CAP2: variants seen among roughly 807,000 people sequenced by gnomAD.
CAP2 encodes adenylyl cyclase-associated protein 2.
A neutral mutation model predicts 57.7 loss-of-function variants in CAP2; 24 were observed. The observed-to-expected ratio is 0.42, with a 90% CI of 0.30 to 0.58. The LOEUF (loss-of-function observed/expected upper bound fraction) is 0.58, where lower values mean the gene tolerates loss of function less well. CAP2 is among the 20% of genes least tolerant of loss of function. The pLI is 0.22. For missense variants in CAP2, 501 were observed against 590.3 expected (o/e 0.85, Z 1.57); for synonymous variants, 194 against 207.2 (o/e 0.94, Z 0.55).
At chr6:17,455,140 A>G (rs537766342) in intron 3 of CAP2, among the ~76,000 whole-genome samples, 1 of 152,298 alleles carries the variant, frequency 6.6e-6, no homozygotes, top group East Asian at 1.9e-4. Flanking sequence ...GCAATCTCCC[A>G]ATAAATAGGA....
chr6:17,529,640 C>CAAAAAAAAA (rs1554129487), intron 7 of CAP2, among the ~76,000 whole-genome samples: 34 of 117,284 alleles, frequency 2.9e-4, no homozygotes, highest in African/African-American at 8.9e-4. Context: ...GACTCCGTCT[C>CAAAAAAAAA]AAAAAAAAAA....
intron 1 of CAP2, among the ~76,000 whole-genome samples, chr6:17,413,271 C>T (rs1048726716): frequency 4.6e-5 from 7 of 152,172 alleles, no homozygotes; most frequent in African/African-American, 1.4e-4. Context: ...ATTCTGATTA[C>T]ACCATCTCAA....
chr6:17,423,624 G>GA (rs997474210), intron 2 of CAP2, among the ~76,000 whole-genome samples: 74 of 146,874 alleles, frequency 5.0e-4, no homozygotes, highest in South Asian at 3.7e-3. Flanking sequence ...ATTGAGTAAA[G>GA]AAAAAAAAAA....
intron 3 of CAP2, among the ~76,000 whole-genome samples, chr6:17,451,604 G>A (rs1162865020): frequency 6.6e-6 from 1 of 152,018 alleles, no homozygotes; most frequent in African/African-American, 2.4e-5. Flanking sequence ...CCGCCTCCCG[G>A]GTTCAAGCGA....
chr6:17,409,708 G>C (rs1284863495), intron 1 of CAP2, among the ~76,000 whole-genome samples: 1 of 152,056 alleles, frequency 6.6e-6, no homozygotes, highest in African/African-American at 2.4e-5. Flanking sequence ...TTCAAATGCA[G>C]ATCCTCTAAC....
rs550692225 is a variant in CAP2, at chr6:17,507,546, C to T, written c.445-95C>T. 1.1e-4 allele frequency: 91 copies of T among 853,732 alleles called. 4 individuals carry two copies. In the South Asian group the frequency reaches 1.1e-3, roughly 11 times the overall value. 52.9% of individuals were successfully genotyped at this position (853,732 alleles called of 1,614,324 possible). A position where few individuals can be genotyped will look rare whatever the true frequency, so the allele number is the denominator to read the frequency against. ...CATGTGCCTCCCACTTTCAAGTCCACGCGTCTCCATTGCTTTTCTTCTTCT... is the reference window on the plus strand; with the variant it reads ...CATGTGCCTCCCACTTTCAAGTCCATGCGTCTCCATTGCTTTTCTTCTTCT... On this transcript the variant is annotated intron_variant, in intron 5 of 12. Transcript: ENST00000229922.
At chr6:17,478,721 C>T (rs951526520) in intron 4 of CAP2, among the ~76,000 whole-genome samples, 3 of 152,112 alleles carry the variant, frequency 2.0e-5, no homozygotes, top group South Asian at 4.1e-4. Flanking sequence ...ACACTCTGTC[C>T]TCCCTGATGT....
At chr6:17,440,358 G>A (rs1581520992) in intron 3 of CAP2, among the ~76,000 whole-genome samples, 1 of 151,548 alleles carries the variant, frequency 6.6e-6, no homozygotes, top group Non-Finnish European at 1.5e-5. Flanking sequence ...GTTAATTTGT[G>A]TCTGGCTACC....
intron 11 of CAP2, among the ~76,000 whole-genome samples, chr6:17,543,996 G>A (rs995773920): frequency 1.3e-5 from 2 of 151,742 alleles, no homozygotes; most frequent in African/African-American, 2.4e-5. Flanking sequence ...GGGGTGGTGG[G>A]TGCCTGTAAT....
chr6:17,420,064 G>T (rs576282130), intron 1 of CAP2, among the ~76,000 whole-genome samples: 2 of 152,156 alleles, frequency 1.3e-5, no homozygotes, highest in South Asian at 4.2e-4. Flanking sequence ...TAGAGACGGG[G>T]TTTCACCATG....
Position 17,513,171 on chromosome 6 carries a change from T to C in CAP2, c.531-678T>C, listed in dbSNP as rs1197355297. Among the ~76,000 whole-genome samples, 5 of 152,198 alleles carry C rather than the reference T, an allele frequency of 3.3e-5. No individual in the cohort carries two copies. The highest frequency in any genetic ancestry group is 7.3e-5 in the Non-Finnish European group (5 of 68,034). On this transcript the variant is annotated intron_variant, in intron 6 of 12. Transcript: ENST00000229922. The surrounding 1 kb of genome is among the most constrained non-coding windows in gnomAD (Gnocchi z 4.3). ...CCATTATAAAAGGTAAGCATTTTAC[T>C]AGCCCTTGGTTCAATAAAATAGAGA...
At position 17,542,927 on chromosome 6, in the gene CAP2, C is replaced by T. The variant is rs1305730214; in HGVS notation, c.1093C>T (p.Gln365Ter). 1 of 1,613,478 alleles carries T rather than the reference C, an allele frequency of 6.2e-7. No individual in the cohort carries two copies. The highest frequency in any genetic ancestry group is 1.3e-5 in the African/African-American group (1 of 74,904). ...YIFKCEKSTI[Q>*]IKGKVNSIII... ...TTTCAAATGCGAAAAATCAACTATT[C>T]AGATAAAAGGGAAAGTAAACTCCAT... The change falls in exon 10 of 13, where the codon CAG becomes TAG. Residue 365 changes from glutamine (Q) to a stop codon, truncating the protein, a stop_gained. Coordinates refer to ENST00000229922, the MANE Select transcript of CAP2 (RefSeq NM_006366.3). LOFTEE classifies it high-confidence loss of function.
chr6:17,487,564 G>A (rs1175973009), intron 4 of CAP2, among the ~76,000 whole-genome samples: 1 of 152,168 alleles, frequency 6.6e-6, no homozygotes, highest in East Asian at 1.9e-4. Flanking sequence ...CCGCCTCCCG[G>A]GTTCAAGCGA....
rs1282729795 is a variant in CAP2 at position 17,536,872 on chromosome 6, C to T, written c.637-2397C>T. On this transcript the variant is annotated intron_variant, in intron 7 of 12. Coordinates refer to ENST00000229922, the MANE Select transcript of CAP2 (RefSeq NM_006366.3). ...ATGTCCAAAGCTTATATTATACTCTCTTTCTGATTCAGAGCAAATTCTCAA... is the reference window on the plus strand; with the variant it reads ...ATGTCCAAAGCTTATATTATACTCTTTTTCTGATTCAGAGCAAATTCTCAA... 2.0e-5 allele frequency among the ~76,000 whole-genome samples: 3 copies of T among 152,114 alleles called. No homozygotes were observed. In the East Asian group the frequency reaches 5.8e-4, roughly 29 times the overall value.
At chr6:17,542,519 T>G (rs1435964508) in intron 9 of CAP2, among the ~76,000 whole-genome samples, 1 of 152,166 alleles carries the variant, frequency 6.6e-6, no homozygotes, top group African/African-American at 2.4e-5. Context: ...CACAGCAGGT[T>G]TTGCTGCATC....
chr6:17,495,767 T>G (rs985150591), intron 4 of CAP2, among the ~76,000 whole-genome samples: 1 of 152,058 alleles, frequency 6.6e-6, no homozygotes, highest in African/African-American at 2.4e-5. Context: ...GCTTTTTTCC[T>G]TAAAAAGCCT....
chr6:17,442,665 A>G (rs1048971845), intron 3 of CAP2, among the ~76,000 whole-genome samples: 6 of 151,534 alleles, frequency 4.0e-5, no homozygotes, highest in African/African-American at 1.2e-4. Context: ...AGTGGGGGGA[A>G]TTGCTTGAGG....
rs552610834 is a variant in CAP2 at position 17,493,053 on chromosome 6, G to T, written c.301-14116G>T. Among the ~76,000 whole-genome samples, 37 of 152,240 alleles carry T rather than the reference G, an allele frequency of 2.4e-4. No homozygotes were observed. The South Asian group carries it at 4.0e-3, about 16-fold the overall frequency. ...GACAATATCTGATCATTTTCTTCAC[G>T]TGTGAATAAAAAATCTGTATCAAAA... is the stretch of plus-strand genomic sequence containing the variant. On this transcript the variant is annotated intron_variant, in intron 4 of 12. Coordinates refer to ENST00000229922, the MANE Select transcript of CAP2 (RefSeq NM_006366.3).
intron 4 of CAP2, among the ~76,000 whole-genome samples, chr6:17,500,382 T>TA (rs1761785737): frequency 7.8e-6 from 1 of 127,790 alleles, no homozygotes; most frequent in Non-Finnish European, 1.7e-5. Context: ...TATATATATA[T>TA]ATTTGGAGAC....
Sources: gnomAD v4.1 joint callset for allele counts (sites outside exome capture counted in the v4.1 genomes callset) on GRCh38, gnomAD v4.1.1 for gene constraint, Gnocchi (gnomAD v3.1) non-coding constraint, MANE v1.5 for transcripts, NCBI Gene and HGNC (gene_info 2026-07-23, HGNC 2026-07-21) for gene names.